The following APCDD1L variants were observed in gnomAD, a reference collection of about 807,000 sequenced individuals.
APCDD1L encodes the protein protein APCDD1-like.
A neutral mutation model predicts 24.2 loss-of-function variants in APCDD1L; 21 were observed. The observed-to-expected ratio is 0.87, with a 90% CI of 0.61 to 1.25. The LOEUF (loss-of-function observed/expected upper bound fraction) is 1.25, where lower values mean the gene tolerates loss of function less well. Among genes scored for constraint, APCDD1L ranks in the 50% most tolerant of loss-of-function variants. The probability of loss-of-function intolerance (pLI) is 0.00; values close to 1 mark genes in which losing one functional copy is unlikely to be tolerated. For synonymous variants in APCDD1L, 321 were observed against 323.6 expected, an observed-to-expected ratio of 0.99 and a Z score of 0.09; for missense variants, 704 against 711.7, an observed-to-expected ratio of 0.99 and a Z score of 0.12.
intron 1 of APCDD1L, among the ~76,000 whole-genome samples, chr20:58,484,858 C>T (rs925883010): frequency 1.3e-5 from 2 of 152,024 alleles, no homozygotes; most frequent in African/African-American, 2.4e-5. Flanking sequence ...CTTCCTACCC[C>T]GAAGCCTTGG....
intron 1 of APCDD1L, among the ~76,000 whole-genome samples, chr20:58,491,139 G>A (rs531974875): frequency 5.3e-5 from 8 of 152,264 alleles, no homozygotes; most frequent in East Asian, 3.9e-4. Context: ...TACCAAAAAA[G>A]CCTATTCTAA....
intron 1 of APCDD1L, among the ~76,000 whole-genome samples, chr20:58,482,852 A>C (rs1990048755): frequency 6.6e-6 from 1 of 152,136 alleles, no homozygotes; most frequent in Admixed American, 6.5e-5. Context: ...GGTAACTGTA[A>C]ACCCCTAGCC....
At chr20:58,463,417 G>A (rs1369002734) in intron 3 of APCDD1L, among the ~76,000 whole-genome samples, 2 of 152,134 alleles carry the variant, frequency 1.3e-5, no homozygotes, top group African/African-American at 2.4e-5. Flanking sequence ...CGTAAAACAC[G>A]TTAACAGGAA....
intron 3 of APCDD1L, among the ~76,000 whole-genome samples, chr20:58,463,894 T>TTGGGG (rs1491147308): frequency 1.1e-4 from 6 of 52,390 alleles, no homozygotes; most frequent in Admixed American, 4.4e-4. Flanking sequence ...AGTTTTTTTT[T>TTGGGG]GGGGGGGGGG....
rs1488179315 is a variant in APCDD1L, at chr20:58,467,444, C to T, written c.403G>A (p.Val135Ile). Reference protein sequence around the residue: ...ADYHLHKVGIVFHSRRALVDV... With the variant: ...ADYHLHKVGIIFHSRRALVDV... ...ACCAGGGCCCGGCGGCTGTGGAAGA[C>T]GATGCCCACCTTGTGCAGGTGGTAG... Residue 135 changes from valine to isoleucine, a missense_variant, in exon 3 of 4, where the codon GTC becomes ATC. By Grantham distance (29) the Val-to-Ile change is conservative (BLOSUM62 3). Transcript: ENST00000371149. The surrounding 1 kb of genome is among the most constrained non-coding windows in gnomAD (Gnocchi z 5.9). 3.2e-6 allele frequency: 5 copies of T among 1,584,058 alleles called. No individual in the cohort carries two copies. The Admixed American group carries it at 5.4e-5, about 17-fold the overall frequency.
chr20:58,486,853 G>GGTTTTTT (rs1990125923), intron 1 of APCDD1L, among the ~76,000 whole-genome samples: 1 of 89,044 alleles, frequency 1.1e-5, no homozygotes, highest in African/African-American at 4.5e-5. Flanking sequence ...CTGGAGGGAA[G>GGTTTTTT]GTTTTTTTTT....
At chr20:58,507,472 C>T (rs552128034) in intron 1 of APCDD1L, among the ~76,000 whole-genome samples, 4 of 152,170 alleles carry the variant, frequency 2.6e-5, no homozygotes, top group African/African-American at 9.6e-5. Context: ...TTCTCCCTCT[C>T]CCTGACTCTT....
intron 3 of APCDD1L, among the ~76,000 whole-genome samples, chr20:58,465,730 G>C (rs1253985835): frequency 6.6e-6 from 1 of 152,098 alleles, no homozygotes; most frequent in African/African-American, 2.4e-5. Context: ...TGGAGGCAAC[G>C]AGCCCCAGTA....
chr20:58,472,406 C>T (rs1166904661), intron 1 of APCDD1L, among the ~76,000 whole-genome samples: 1 of 152,198 alleles, frequency 6.6e-6, no homozygotes, highest in Non-Finnish European at 1.5e-5. Context: ...ACATGCCACC[C>T]GGATGTGGCA....
rs1989745401 is a variant in APCDD1L, at chr20:58,467,725, TG to T, written c.189-68del. 1.5e-6 allele frequency: 2 copies of T among 1,364,244 alleles called. No individual in the cohort carries two copies. The highest frequency in any genetic ancestry group is 1.9e-6 in the Non-Finnish European group (2 of 1,051,692). 84.5% of individuals were successfully genotyped at this position (1,364,244 alleles called of 1,614,324 possible). A position where few individuals can be genotyped will look rare whatever the true frequency, so the allele number is the denominator to read the frequency against. On this transcript the variant is annotated intron_variant, in intron 2 of 3. Coordinates refer to ENST00000371149, the MANE Select transcript of APCDD1L (RefSeq NM_153360.3). This position sits in a 1 kb window ranked among gnomAD's most constrained non-coding sequence, Gnocchi z 5.9. ...CCGCGCCGCGAGCCCCTCTCCCCTC[TG>T]GGCTGGGCTCCTTTCTCCCCCCCAG...
rs1990291525 is a variant in APCDD1L at position 58,494,877 on chromosome 20, G to A, written c.49+19782C>T. ...CACCCTGGGGCCTGTGCACTTGCCGGTCTGTCTGCCAGGAATGCTCTTTTT... is the reference window on the plus strand; with the variant it reads ...CACCCTGGGGCCTGTGCACTTGCCGATCTGTCTGCCAGGAATGCTCTTTTT... On this transcript the variant is annotated intron_variant, in intron 1 of 3. Transcript: ENST00000371149. This position sits in a 1 kb window ranked among gnomAD's most constrained non-coding sequence, Gnocchi z 4.8. 6.6e-6 allele frequency among the ~76,000 whole-genome samples: 1 copy of A among 152,130 alleles called. No homozygotes were observed. The highest frequency in any genetic ancestry group is 2.4e-5 in the African/African-American group (1 of 41,434).
intron 1 of APCDD1L, among the ~76,000 whole-genome samples, chr20:58,471,344 C>T (rs1287876723): frequency 3.9e-5 from 6 of 152,212 alleles, no homozygotes; most frequent in Non-Finnish European, 7.3e-5. Context: ...CGGTGCTCAG[C>T]GAGCGTGTGG....
chr20:58,512,213 T>G (rs1077577), intron 1 of APCDD1L, among the ~76,000 whole-genome samples: 75,431 of 152,172 alleles, frequency 0.5, 20,547 homozygotes, highest in Admixed American at 0.6. Context: ...TAAGCTATGT[T>G]GTTTTTCTTG....
At chr20:58,490,747 A>G (rs73915893) in intron 1 of APCDD1L, among the ~76,000 whole-genome samples, 11,479 of 152,302 alleles carry the variant, frequency 0.075, 477 homozygotes, top group Admixed American at 0.085. Context: ...CTCACACTCT[A>G]TATACCCTTC....
At chr20:58,513,155 G>A (rs1186317319) in intron 1 of APCDD1L, among the ~76,000 whole-genome samples, 9 of 152,162 alleles carry the variant, frequency 5.9e-5, no homozygotes, top group Non-Finnish European at 8.8e-5. Context: ...TGGGTGCAAC[G>A]GCCTGGAGGA....
In APCDD1L at chr20:58,472,285, A is replaced by G. The variant is rs116833400; in HGVS notation, c.50-1538T>C. Among the ~76,000 whole-genome samples the G allele has an allele frequency of 8.8e-3, 1,334 of 152,242 alleles. 25 individuals are homozygous for G. The highest frequency in any genetic ancestry group is 0.031 in the African/African-American group (1,288 of 41,526). On this transcript the variant is annotated intron_variant, in intron 1 of 3. Transcript: ENST00000371149. ...GTGTGGACCCCTTGCTCTTTTATAC[A>G]TTATTCCCATCTGATCTTTGCAATA...
At chr20:58,480,920 G>C (rs186551376) in intron 1 of APCDD1L, among the ~76,000 whole-genome samples, 1 of 152,348 alleles carries the variant, frequency 6.6e-6, no homozygotes, top group Non-Finnish European at 1.5e-5. Flanking sequence ...AGATGGAAGC[G>C]TTTCCCTTTT....
chr20:58,476,908 G>A (rs150667393), intron 1 of APCDD1L, among the ~76,000 whole-genome samples: 44 of 152,094 alleles, frequency 2.9e-4, no homozygotes, highest in Admixed American at 5.2e-4. Flanking sequence ...CGGAGATCTC[G>A]GCATAAATGG....
chr20:58,504,841 A>C (rs1231735421), intron 1 of APCDD1L, among the ~76,000 whole-genome samples: 1 of 152,180 alleles, frequency 6.6e-6, no homozygotes, highest in African/African-American at 2.4e-5. Flanking sequence ...CAGGACCCCC[A>C]GTTCTGTAGG....
Sources: allele counts gnomAD v4.1 joint callset (sites outside exome capture counted in the v4.1 genomes callset), GRCh38; gene constraint gnomAD v4.1.1; non-coding constraint Gnocchi (gnomAD v3.1); transcripts MANE v1.5; gene names NCBI Gene and HGNC (gene_info 2026-07-23, HGNC 2026-07-21).